Variants in BCAS1 observed in about 807,000 individuals in gnomAD.
BCAS1 encodes the protein brain enriched myelin associated protein 1, also known as breast carcinoma-amplified sequence 1.
In BCAS1, 46 loss-of-function variants were observed where a neutral mutation model predicts 65.4. The ratio of observed to expected loss-of-function variants is 0.70; its 90% CI spans 0.55 to 0.90. The LOEUF (loss-of-function observed/expected upper bound fraction) is 0.90. Among genes scored for constraint, BCAS1 ranks in the 40% least tolerant of loss-of-function variants. The probability of loss-of-function intolerance (pLI) is 0.00; values close to 1 mark genes in which losing one functional copy is unlikely to be tolerated. For synonymous variants in BCAS1, 298 were observed against 293.5 expected, an observed-to-expected ratio of 1.02 and a Z score of -0.16; for missense variants, 793 against 771.2, an observed-to-expected ratio of 1.03 and a Z score of -0.33.
rs1223071118 is a variant in BCAS1, at chr20:54,070,465, C to T, written c.-38G>A. 2.6e-5 allele frequency: 4 copies of T among 152,480 alleles called. No individual in the cohort carries two copies. Among genetic ancestry groups the T allele is most frequent in the Non-Finnish European group, 4.4e-5 (3 of 68,294 alleles). The allele number at this position is 152,480 out of a possible 1,614,324, so 9.4% of individuals were successfully genotyped here. ...GCCCCTGTGGGAGTATCTTCAGTCCCCTCGTGTCACCCGGAGCTGCTCCTG... is the reference window on the plus strand; with the variant it reads ...GCCCCTGTGGGAGTATCTTCAGTCCTCTCGTGTCACCCGGAGCTGCTCCTG... On this transcript the variant is annotated 5_prime_UTR_variant, in exon 1 of 13. Coordinates refer to ENST00000688948, the MANE Select transcript of BCAS1 (RefSeq NM_001366298.2).
chr20:53,991,070 G>T (rs2090746622), intron 7 of BCAS1, among the ~76,000 whole-genome samples: 1 of 152,164 alleles, frequency 6.6e-6, no homozygotes, highest in African/African-American at 2.4e-5. Context: ...ATTTTGTAGT[G>T]CATGAAGTGA....
chr20:53,949,505 A>G (rs1009194749), intron 12 of BCAS1, among the ~76,000 whole-genome samples: 1 of 152,198 alleles, frequency 6.6e-6, no homozygotes, highest in Non-Finnish European at 1.5e-5. Flanking sequence ...AGGCACCACA[A>G]TAGTTCTGTG....
Position 54,064,603 on chromosome 20 carries a change from C to T in BCAS1, c.-6+5830G>A, listed in dbSNP as rs533631960. 1.3e-3 allele frequency among the ~76,000 whole-genome samples: 193 copies of T among 152,316 alleles called. 3 individuals are homozygous for T. Among genetic ancestry groups the T allele is most frequent in the African/African-American group, 4.4e-3 (184 of 41,578 alleles). ...TCAGAAGCAAGCCCAGATGCCCCACCGGAGGTGGGTGGAGGCTGCCCTCCG... is the reference window on the plus strand; with the variant it reads ...TCAGAAGCAAGCCCAGATGCCCCACTGGAGGTGGGTGGAGGCTGCCCTCCG... On this transcript the variant is annotated intron_variant, in intron 1 of 12. Coordinates refer to ENST00000688948, the MANE Select transcript of BCAS1 (RefSeq NM_001366298.2).
chr20:54,063,978 C>CA (rs148764894), intron 1 of BCAS1, among the ~76,000 whole-genome samples: 21,074 of 152,084 alleles, frequency 0.14, 1,910 homozygotes, highest in East Asian at 0.32. Context: ...ATTAAACATA[C>CA]GAAGCTATGG....
At position 54,030,693 on chromosome 20, in the gene BCAS1, G is replaced by A. The variant is rs1002249692; in HGVS notation, c.143-1721C>T. Reference sequence around the variant, plus strand: ...TCTAGACTAAACAACAAACAAAAAAGGGGGGAGAGTGAGCTGGATTAAGCA... The same window carrying A: ...TCTAGACTAAACAACAAACAAAAAAAGGGGGAGAGTGAGCTGGATTAAGCA... On this transcript the variant is annotated intron_variant, in intron 3 of 12. Coordinates refer to ENST00000688948, the MANE Select transcript of BCAS1 (RefSeq NM_001366298.2). Among the ~76,000 whole-genome samples, 14 of 151,206 alleles carry A rather than the reference G, an allele frequency of 9.3e-5. 1 individual carries two copies. Among genetic ancestry groups the A allele is most frequent in the Non-Finnish European group, 1.8e-4 (12 of 67,580 alleles).
At chr20:53,978,696 C>T (rs975013661) in intron 8 of BCAS1, among the ~76,000 whole-genome samples, 1 of 152,130 alleles carries the variant, frequency 6.6e-6, no homozygotes, top group East Asian at 1.9e-4. Flanking sequence ...GCAAGTGTAG[C>T]CTTCTGTTAG....
At chr20:54,016,425 A>G (rs2091440202) in intron 4 of BCAS1, among the ~76,000 whole-genome samples, 1 of 152,232 alleles carries the variant, frequency 6.6e-6, no homozygotes, top group South Asian at 2.1e-4. Context: ...TACTTGGGAT[A>G]TTCATCACTT....
At chr20:53,996,511 T>G (rs1313392937) in intron 4 of BCAS1, among the ~76,000 whole-genome samples, 4 of 151,530 alleles carry the variant, frequency 2.6e-5, no homozygotes, top group Admixed American at 2.6e-4. Context: ...GTACTGGTGT[T>G]TAAAAATAAC....
chr20:53,972,382 A>G (rs2090203252), intron 9 of BCAS1, among the ~76,000 whole-genome samples: 1 of 152,244 alleles, frequency 6.6e-6, no homozygotes, highest in Non-Finnish European at 1.5e-5. Flanking sequence ...ATCACCGATT[A>G]CTGGGACATG....
chr20:54,053,923 T>A (rs939592821), intron 3 of BCAS1, among the ~76,000 whole-genome samples: 22 of 152,358 alleles, frequency 1.4e-4, no homozygotes, highest in Admixed American at 8.5e-4. Context: ...CTCAGGCTAC[T>A]AATAAAGACA....
At chr20:54,033,153 G>T (rs562824829) in intron 3 of BCAS1, among the ~76,000 whole-genome samples, 1 of 151,270 alleles carries the variant, frequency 6.6e-6, no homozygotes, top group South Asian at 2.1e-4. Flanking sequence ...CTAAGGCAGT[G>T]TTAAGAGGGA....
chr20:54,026,166 T>A (rs1459915769), intron 4 of BCAS1, among the ~76,000 whole-genome samples: 1 of 152,218 alleles, frequency 6.6e-6, no homozygotes, highest in Non-Finnish European at 1.5e-5. Flanking sequence ...GGAAGACAGT[T>A]ACAATTCTTG....
intron 3 of BCAS1, among the ~76,000 whole-genome samples, chr20:54,038,815 T>C (rs982582738): frequency 1.3e-5 from 2 of 151,304 alleles, no homozygotes; most frequent in African/African-American, 4.8e-5. Flanking sequence ...AAAGTGGACA[T>C]ATACACACTA....
At position 54,046,737 on chromosome 20, in the gene BCAS1, C is replaced by A. The variant is rs187475321; in HGVS notation, c.142+11348G>T. On this transcript the variant is annotated intron_variant, in intron 3 of 12. Coordinates refer to ENST00000688948, the MANE Select transcript of BCAS1 (RefSeq NM_001366298.2). ...GCACGTGCCTGTAATCCCAGCTATACAAGAGGCTGAGGCAGGAGAATCACT... is the reference window on the plus strand; with the variant it reads ...GCACGTGCCTGTAATCCCAGCTATAAAAGAGGCTGAGGCAGGAGAATCACT... Among the ~76,000 whole-genome samples the A allele has an allele frequency of 3.4e-4, 50 of 147,860 alleles. No individual in the cohort carries two copies. In the East Asian group the frequency reaches 0.01, roughly 30 times the overall value.
chr20:54,002,946 C>T lies in BCAS1; in HGVS notation c.724-6896G>A, dbSNP rs1277140027. ...ACCTGCTCAACTGGGCATTTGAGGA[C>T]AGGCACTGCGTGTGTCTCATTCACA... On this transcript the variant is annotated intron_variant, in intron 4 of 12. Coordinates refer to ENST00000688948, the MANE Select transcript of BCAS1 (RefSeq NM_001366298.2). 3.9e-5 allele frequency among the ~76,000 whole-genome samples: 6 copies of T among 152,242 alleles called. No individual in the cohort carries two copies. The East Asian group carries it at 1.2e-3, about 29-fold the overall frequency.
intron 4 of BCAS1, among the ~76,000 whole-genome samples, chr20:54,022,634 G>A (rs532860122): frequency 1.3e-5 from 2 of 152,236 alleles, no homozygotes; most frequent in African/African-American, 4.8e-5. Flanking sequence ...CCTTAACGCA[G>A]GTAACTTAAG....
rs748324471 is a variant in BCAS1, at chr20:53,944,910, G to A, written c.*12C>T. 5.0e-6 allele frequency: 8 copies of A among 1,613,146 alleles called. No homozygotes were observed. Among genetic ancestry groups the A allele is most frequent in the Middle Eastern group, 1.6e-4 (1 of 6,084 alleles). ...GTGGCAGGAGAACCTGGTGGGAACCGTGCTGATTTGTTTACTTGGATTTGC... is the reference window on the plus strand; with the variant it reads ...GTGGCAGGAGAACCTGGTGGGAACCATGCTGATTTGTTTACTTGGATTTGC... On this transcript the variant is annotated 3_prime_UTR_variant, in exon 13 of 13. Transcript: ENST00000688948.
intron 4 of BCAS1, among the ~76,000 whole-genome samples, chr20:53,999,273 G>A (rs1442251787): frequency 1.3e-5 from 2 of 152,052 alleles, no homozygotes; most frequent in Admixed American, 6.5e-5. Flanking sequence ...TCATCCTTAC[G>A]TCTTAAACAA....
rs367752823 is a variant in BCAS1 at position 54,028,548 on chromosome 20, C to T, written c.567G>A (p.Lys189=). 1.2e-6 allele frequency: 2 copies of T among 1,614,042 alleles called. No individual in the cohort carries two copies. The highest frequency in any genetic ancestry group is 2.7e-5 in the African/African-American group (2 of 74,916). ...GAGGEAPSKP[K]DSSFFDKFFK... Reference sequence around the variant, plus strand: ...AGAATTTGTCAAAAAAGCTGGAGTCCTTGGGCTTGGAGGGAGCTTCTCCTC... The same window carrying T: ...AGAATTTGTCAAAAAAGCTGGAGTCTTTGGGCTTGGAGGGAGCTTCTCCTC... Residue 189 remains lysine (K), a synonymous_variant, in exon 4 of 13, where the codon AAG becomes AAA. Coordinates refer to ENST00000688948, the MANE Select transcript of BCAS1 (RefSeq NM_001366298.2).
Sources: allele counts gnomAD v4.1 joint callset (sites outside exome capture counted in the v4.1 genomes callset), GRCh38; gene constraint gnomAD v4.1.1; transcripts MANE v1.5; gene names NCBI Gene and HGNC (gene_info 2026-07-23, HGNC 2026-07-21).